ZNF804B: variants seen among roughly 807,000 people sequenced by gnomAD.
The protein encoded by ZNF804B is zinc finger 804B.
Under a neutral mutation model 101.4 loss-of-function variants are expected in ZNF804B, and 80 were observed. That is an observed-to-expected ratio of 0.79 (90% CI 0.66 to 0.95). The LOEUF (loss-of-function observed/expected upper bound fraction) is 0.95. Ranked by LOEUF, ZNF804B falls within the 40% of genes least tolerant of loss-of-function variation. The pLI, the probability that ZNF804B is intolerant of heterozygous loss-of-function variation, is 0.00. For missense variants in ZNF804B, 1,673 were observed against 1,561.9 expected, an observed-to-expected ratio of 1.07 and a Z score of -1.20; for synonymous variants, 622 against 558.8, an observed-to-expected ratio of 1.11 and a Z score of -1.59.
chr7:89,138,985 CTG>C (rs139519196), intron 1 of ZNF804B, among the ~76,000 whole-genome samples: 5 of 151,434 alleles, frequency 3.3e-5, no homozygotes, highest in African/African-American at 4.8e-5. Flanking sequence ...TGGACTAATA[CTG>C]TGTGTGTGTG....
At chr7:89,095,926 C>T (rs757262117) in intron 1 of ZNF804B, among the ~76,000 whole-genome samples, 3 of 151,900 alleles carry the variant, frequency 2.0e-5, no homozygotes, top group Non-Finnish European at 2.9e-5. Flanking sequence ...CCAAGGCAGG[C>T]GGATCACGAG....
At chr7:88,863,802 G>A (rs901918772) in intron 1 of ZNF804B, among the ~76,000 whole-genome samples, 1 of 152,192 alleles carries the variant, frequency 6.6e-6, no homozygotes, top group African/African-American at 2.4e-5. Context: ...CAGTGAAAAT[G>A]TCTGTCTGGA....
At chr7:89,127,127 G>A (rs1158067177) in intron 1 of ZNF804B, among the ~76,000 whole-genome samples, 3 of 151,926 alleles carry the variant, frequency 2.0e-5, no homozygotes, top group Admixed American at 2.0e-4. Flanking sequence ...GGCTCAAATA[G>A]AGATTGTGTC....
chr7:88,914,693 T>G (rs1423442249), intron 1 of ZNF804B, among the ~76,000 whole-genome samples: 1 of 152,020 alleles, frequency 6.6e-6, no homozygotes, highest in Non-Finnish European at 1.5e-5. Flanking sequence ...CTGACAATAA[T>G]TGATAAAAAA....
intron 1 of ZNF804B, among the ~76,000 whole-genome samples, chr7:88,910,991 T>A (rs1176249475): frequency 1.3e-5 from 2 of 151,996 alleles, no homozygotes; most frequent in African/African-American, 2.4e-5. Flanking sequence ...TTAACTGGCA[T>A]TTGTATTAGG....
In ZNF804B at chr7:89,333,850, A is replaced by G. The variant is rs1406660657; in HGVS notation, c.868A>G (p.Ser290Gly). 1.3e-6 allele frequency: 2 copies of G among 1,487,434 alleles called. No individual in the cohort carries two copies. Among genetic ancestry groups the G allele is most frequent in the Admixed American group, 3.6e-5 (2 of 55,616 alleles). 92.1% of individuals were successfully genotyped at this position (1,487,434 alleles called of 1,614,324 possible). A position where few individuals can be genotyped will look rare whatever the true frequency, so the allele number is the denominator to read the frequency against. ...AAATATCTCACCAAGCCATCTGGAA[A>G]GTGTTTTACACAATACCATCTCCAT... ...EVNISPSHLE[S>G]VLHNTISINS... The change falls in exon 4 of 4, where the codon AGT becomes GGT. Residue 290 changes from serine (S) to glycine (G), a missense_variant. Ser to Gly is a moderately conservative substitution (Grantham distance 56). Transcript: ENST00000333190.
intron 1 of ZNF804B, among the ~76,000 whole-genome samples, chr7:88,833,071 T>C (rs567881275): frequency 2.0e-5 from 3 of 152,084 alleles, no homozygotes; most frequent in African/African-American, 7.2e-5. Context: ...TTTTTTAACC[T>C]GTTGTAAATT....
intron 1 of ZNF804B, among the ~76,000 whole-genome samples, chr7:88,878,559 A>T (rs1791984744): frequency 6.6e-6 from 1 of 152,122 alleles, no homozygotes; most frequent in Non-Finnish European, 1.5e-5. Flanking sequence ...TCTGGCATAT[A>T]TTCAAACCTA....
chr7:89,278,275 G>C (rs1282591972), intron 2 of ZNF804B, among the ~76,000 whole-genome samples: 2 of 151,846 alleles, frequency 1.3e-5, no homozygotes, highest in Admixed American at 1.3e-4. Context: ...AGTAGGTTGT[G>C]AAAAATTTCT....
chr7:89,279,513 T>A (rs1281665235), intron 2 of ZNF804B, among the ~76,000 whole-genome samples: 1 of 151,538 alleles, frequency 6.6e-6, no homozygotes, highest in Non-Finnish European at 1.5e-5. Flanking sequence ...CTTATTATTT[T>A]GAAATACGTC....
At chr7:88,817,087 A>G (rs1003518646) in intron 1 of ZNF804B, among the ~76,000 whole-genome samples, 55 of 152,278 alleles carry the variant, frequency 3.6e-4, no homozygotes, top group African/African-American at 1.2e-3. Context: ...TTGTAGGGAC[A>G]TGGATGAAGC....
intron 2 of ZNF804B, among the ~76,000 whole-genome samples, chr7:89,220,983 T>A (rs1788996336): frequency 6.6e-6 from 1 of 151,888 alleles, no homozygotes; most frequent in Non-Finnish European, 1.5e-5. Context: ...TCAGACATAT[T>A]TTTTTCATGG....
chr7:89,254,730 C>T (rs2115796626), intron 2 of ZNF804B, among the ~76,000 whole-genome samples: 1 of 151,830 alleles, frequency 6.6e-6, no homozygotes, highest in Non-Finnish European at 1.5e-5. Flanking sequence ...ATTGCAGCCT[C>T]CGCCTCCCAG....
chr7:89,138,825 C>T (rs987828728), intron 1 of ZNF804B, among the ~76,000 whole-genome samples: 2 of 152,016 alleles, frequency 1.3e-5, no homozygotes, highest in African/African-American at 4.8e-5. Context: ...TTTTTGCCTG[C>T]TGCCATTCAT....
intron 1 of ZNF804B, among the ~76,000 whole-genome samples, chr7:89,043,359 C>T (rs1314286946): frequency 6.6e-6 from 1 of 152,184 alleles, no homozygotes; most frequent in Non-Finnish European, 1.5e-5. Context: ...CAATTAAACA[C>T]AGTAGTCTTT....
chr7:89,280,714 G>A (rs1178023308), intron 2 of ZNF804B, among the ~76,000 whole-genome samples: 1 of 152,176 alleles, frequency 6.6e-6, no homozygotes, highest in African/African-American at 2.4e-5. Flanking sequence ...GGAAGAAGTT[G>A]AATCTCTGAA....
intron 1 of ZNF804B, among the ~76,000 whole-genome samples, chr7:88,984,901 A>G (rs1410422134): frequency 6.6e-6 from 1 of 152,086 alleles, no homozygotes; most frequent in Non-Finnish European, 1.5e-5. Flanking sequence ...ACATGTAGGC[A>G]TGCAATAAAT....
At chr7:89,233,953 A>G (rs1456832717) in intron 2 of ZNF804B, among the ~76,000 whole-genome samples, 1 of 152,006 alleles carries the variant, frequency 6.6e-6, no homozygotes, top group Non-Finnish European at 1.5e-5. Flanking sequence ...TTTTGTGTCT[A>G]CTCCAGTGCA....
At chr7:88,762,722 G>A (rs1469919242) in intron 1 of ZNF804B, among the ~76,000 whole-genome samples, 1 of 139,134 alleles carries the variant, frequency 7.2e-6, no homozygotes, top group Admixed American at 7.4e-5. Flanking sequence ...TTCAAATTTA[G>A]TGCCAGGAAT....
Sources: gnomAD v4.1 joint callset for allele counts (sites outside exome capture counted in the v4.1 genomes callset) on GRCh38, gnomAD v4.1.1 for gene constraint, MANE v1.5 for transcripts, NCBI Gene and HGNC (gene_info 2026-07-23, HGNC 2026-07-21) for gene names.